The following GRID1 variants were observed in gnomAD, a reference collection of about 807,000 sequenced individuals.
GRID1 encodes glutamate receptor ionotropic, delta-1.
In GRID1, 28 loss-of-function variants were observed where a neutral mutation model predicts 98.0. The observed-to-expected ratio is 0.29, with a 90% confidence interval of 0.21 to 0.39. The LOEUF (loss-of-function observed/expected upper bound fraction) is 0.39, where lower values mean the gene tolerates loss of function less well. GRID1 is among the 10% of genes least tolerant of loss of function. GRID1 has a pLI of 1.00. For synonymous variants in GRID1, 553 were observed against 538.5 expected (o/e 1.03, Z -0.37); for missense variants, 1,111 against 1,340.5 (o/e 0.83, Z 2.67).
intron 8 of GRID1, among the ~76,000 whole-genome samples, chr10:85,775,112 G>A (rs1407953671): frequency 6.6e-6 from 1 of 152,126 alleles, no homozygotes; most frequent in Non-Finnish European, 1.5e-5. Context: ...TTAAGAAAAT[G>A]TGGCACATAT....
At chr10:86,061,165 C>G (rs1049264656) in intron 4 of GRID1, among the ~76,000 whole-genome samples, 4 of 152,218 alleles carry the variant, frequency 2.6e-5, no homozygotes, top group African/African-American at 9.7e-5. Flanking sequence ...GCATCTTTCT[C>G]TGCAGAGCTC....
rs535454278 is a variant in GRID1, at chr10:85,975,921, C to T, written c.727-59682G>A. ...TATGTGGTTTTTCCTTATTATTCTT[C>T]CAAAATCTGTCATTTAGAACTAGCG... On this transcript the variant is annotated intron_variant, in intron 4 of 15. Coordinates refer to ENST00000327946, the MANE Select transcript of GRID1 (RefSeq NM_017551.3). 2.2e-3 allele frequency among the ~76,000 whole-genome samples: 335 copies of T among 152,302 alleles called. 2 individuals are homozygous for T. Among genetic ancestry groups the T allele is most frequent in the African/African-American group, 7.6e-3 (318 of 41,570 alleles).
At chr10:86,253,822 C>T (rs892858875) in intron 2 of GRID1, among the ~76,000 whole-genome samples, 1 of 152,176 alleles carries the variant, frequency 6.6e-6, no homozygotes. Flanking sequence ...ATCCATGACA[C>T]AGCAACAACT....
intron 3 of GRID1, among the ~76,000 whole-genome samples, chr10:86,181,030 C>G (rs1482498733): frequency 6.6e-6 from 1 of 152,134 alleles, no homozygotes; most frequent in Non-Finnish European, 1.5e-5. Flanking sequence ...GCTGAACCTC[C>G]CCCGAACACA....
intron 8 of GRID1, among the ~76,000 whole-genome samples, chr10:85,797,022 A>G (rs1273284283): frequency 2.0e-5 from 3 of 152,196 alleles, no homozygotes; most frequent in African/African-American, 7.2e-5. Flanking sequence ...GAGTGATAAA[A>G]TACCTGGAAA....
intron 2 of GRID1, among the ~76,000 whole-genome samples, chr10:86,324,387 C>T (rs1564739039): frequency 6.6e-6 from 1 of 152,086 alleles, no homozygotes; most frequent in East Asian, 1.9e-4. Context: ...GAAAAACAAA[C>T]ATGTAATGTA....
intron 8 of GRID1, among the ~76,000 whole-genome samples, chr10:85,837,987 G>GA (rs1038909453): frequency 3.2e-4 from 48 of 152,194 alleles, no homozygotes; most frequent in African/African-American, 1.1e-3. Flanking sequence ...TTATAGAGCT[G>GA]AAAAAACACT....
At chr10:86,169,645 G>A (rs1238213336) in intron 3 of GRID1, among the ~76,000 whole-genome samples, 1 of 152,182 alleles carries the variant, frequency 6.6e-6, no homozygotes, top group African/African-American at 2.4e-5. Flanking sequence ...AATTCCTCTA[G>A]CAGTTTCCAG....
chr10:86,018,091 T>C (rs1427023836), intron 4 of GRID1, among the ~76,000 whole-genome samples: 2 of 152,172 alleles, frequency 1.3e-5, no homozygotes, highest in African/African-American at 2.4e-5. Context: ...CCCACAGCTC[T>C]AGGAAAAAGA....
chr10:85,949,434 C>A (rs1554841857), intron 4 of GRID1, among the ~76,000 whole-genome samples: 1 of 152,236 alleles, frequency 6.6e-6, no homozygotes, highest in Non-Finnish European at 1.5e-5. Context: ...ACATCATGAA[C>A]ATTTTCTCAC....
At chr10:85,999,191 A>G (rs930657832) in intron 4 of GRID1, among the ~76,000 whole-genome samples, 21 of 150,154 alleles carry the variant, frequency 1.4e-4, no homozygotes, top group Non-Finnish European at 2.4e-4. Flanking sequence ...CAGCCTGGCC[A>G]ACAGAGCAAG....
Position 85,869,073 on chromosome 10 carries a change from C to A in GRID1, c.888G>T (p.Arg296Ser). Residue 296 changes from arginine to serine, a missense_variant, in exon 6 of 16, where the codon AGG becomes AGT. Physicochemically the swap from Arg to Ser is moderately radical, Grantham distance 110 (BLOSUM62 -1). Transcript: ENST00000327946. ...GCAGGGAGGAGATGCGGTGGTTGTT[C>A]CTCGTGCATTTCTGATTGTCCTTTG... ...PSAKDNQKCT[R>S]NNHRISSLLC... is the part of the protein sequence containing the mutation. The A allele has an allele frequency of 6.2e-7, 1 of 1,614,044 alleles. No individual in the cohort carries two copies.
chr10:85,803,600 CA>C (rs891101751), intron 8 of GRID1, among the ~76,000 whole-genome samples: 96 of 148,436 alleles, frequency 6.5e-4, no homozygotes, highest in Non-Finnish European at 7.0e-4. Context: ...AAAGCATTTT[CA>C]AAAAAAAAGC....
chr10:86,285,245 C>T (rs985647486), intron 2 of GRID1, among the ~76,000 whole-genome samples: 6 of 152,130 alleles, frequency 3.9e-5, no homozygotes, highest in African/African-American at 1.2e-4. Context: ...CAGTTGACAG[C>T]GATGGCTCTG....
At chr10:85,883,565 T>G (rs1841069227) in intron 5 of GRID1, among the ~76,000 whole-genome samples, 1 of 151,514 alleles carries the variant, frequency 6.6e-6, no homozygotes, top group African/African-American at 2.4e-5. Flanking sequence ...CCTCCCTCTC[T>G]CCCATCTTCT....
At chr10:85,968,812 C>CA (rs1842371602) in intron 4 of GRID1, among the ~76,000 whole-genome samples, 1 of 151,932 alleles carries the variant, frequency 6.6e-6, no homozygotes, top group Admixed American at 6.6e-5. Flanking sequence ...ATGTAGAAAA[C>CA]AAACAACAAA....
intron 4 of GRID1, among the ~76,000 whole-genome samples, chr10:86,065,108 G>C (rs767677161): frequency 1.4e-4 from 21 of 152,106 alleles, no homozygotes; most frequent in Non-Finnish European, 3.1e-4. Flanking sequence ...GCCACCACCC[G>C]GCCTCCCTCA....
chr10:86,252,604 C>T (rs1026420757), intron 2 of GRID1, among the ~76,000 whole-genome samples: 6 of 152,280 alleles, frequency 3.9e-5, no homozygotes, highest in African/African-American at 7.2e-5. Context: ...TTCCCCCTAA[C>T]AAGCTACAGT....
chr10:86,135,747 C>A (rs570238331), intron 4 of GRID1, among the ~76,000 whole-genome samples: 2 of 152,190 alleles, frequency 1.3e-5, no homozygotes. Context: ...CCTCGTGAAG[C>A]GGAATCACAG....
Sources: allele counts gnomAD v4.1 joint callset (sites outside exome capture counted in the v4.1 genomes callset), GRCh38; gene constraint gnomAD v4.1.1; transcripts MANE v1.5; gene names NCBI Gene and HGNC (gene_info 2026-07-23, HGNC 2026-07-21).